CNTLN: variants seen among roughly 807,000 people sequenced by gnomAD.
The protein encoded by CNTLN is centlein, centrosomal protein.
CNTLN carries 212 observed loss-of-function variants against 180.0 expected under a neutral mutation model. The observed-to-expected ratio is 1.18, with a 90% CI of 1.05 to 1.32. The LOEUF (loss-of-function observed/expected upper bound fraction) is 1.32, where lower values mean the gene tolerates loss of function less well. Among genes scored for constraint, CNTLN ranks in the 40% most tolerant of loss-of-function variants. The pLI, the probability that CNTLN is intolerant of heterozygous loss-of-function variation, is 0.00. For missense variants in CNTLN, 2,095 were observed against 1,610.9 expected, an observed-to-expected ratio of 1.30 and a Z score of -5.14; for synonymous variants, 722 against 563.1, an observed-to-expected ratio of 1.28 and a Z score of -3.99.
At chr9:17,318,490 G>A (rs1402773688) in intron 8 of CNTLN, among the ~76,000 whole-genome samples, 1 of 152,264 alleles carries the variant, frequency 6.6e-6, no homozygotes, top group East Asian at 1.9e-4. Flanking sequence ...GTTAGAGCCT[G>A]TAAATAATTC....
chr9:17,491,232 A>T (rs1245613203), intron 25 of CNTLN, among the ~76,000 whole-genome samples: 1 of 152,090 alleles, frequency 6.6e-6, no homozygotes. Context: ...ATCATTAAAA[A>T]ATATATATAT....
chr9:17,481,176 A>C (rs12342676), intron 23 of CNTLN, among the ~76,000 whole-genome samples: 1 of 152,088 alleles, frequency 6.6e-6, no homozygotes, highest in Non-Finnish European at 1.5e-5. Context: ...CCACCTGGCT[A>C]TAGAGCTCAG....
At chr9:17,525,837 G>A in the CNTLN span, among the ~76,000 whole-genome samples, 40 of 152,174 alleles carry the variant, frequency 2.6e-4, no homozygotes, top group African/African-American at 9.4e-4. Context: ...ACAAAACACT[G>A]GTTATGAAAC....
At chr9:17,331,396 C>T (rs533561163) in intron 9 of CNTLN, among the ~76,000 whole-genome samples, 49 of 151,562 alleles carry the variant, frequency 3.2e-4, no homozygotes, top group African/African-American at 9.4e-4. Flanking sequence ...AGTTGTGTTA[C>T]GCTGTAAAAG....
intron 2 of CNTLN, among the ~76,000 whole-genome samples, chr9:17,164,857 A>G (rs892450290): frequency 3.0e-5 from 4 of 134,890 alleles, no homozygotes; most frequent in African/African-American, 5.6e-5. Flanking sequence ...TTTTTTTGAG[A>G]CAGAGTCTCA....
chr9:17,415,554 G>A (rs537367787), intron 16 of CNTLN, among the ~76,000 whole-genome samples: 1 of 151,992 alleles, frequency 6.6e-6, no homozygotes, highest in Non-Finnish European at 1.5e-5. Context: ...TTATCATCTA[G>A]AGTTTAAAAA....
At position 17,424,535 on chromosome 9, in the gene CNTLN, A is replaced by C. The variant is rs540818228; in HGVS notation, c.3114+8346A>C. On this transcript the variant is annotated intron_variant, in intron 18 of 25. Coordinates refer to ENST00000380647, the MANE Select transcript of CNTLN (RefSeq NM_017738.4). ...TCATATTATCAAAGAAAATGTGGCC[A>C]TTACCCATAGCACACTTTTTAGAAA... Among the ~76,000 whole-genome samples, 6 of 152,312 alleles carry C rather than the reference A, an allele frequency of 3.9e-5. No homozygotes were observed. In the South Asian group the frequency reaches 1.0e-3, roughly 26 times the overall value.
the CNTLN span, among the ~76,000 whole-genome samples, chr9:17,511,666 ACACACG>A: frequency 6.6e-6 from 1 of 151,386 alleles, no homozygotes; most frequent in African/African-American, 2.4e-5. Flanking sequence ...ACACACACAC[ACACACG>A]CACACGTGCA....
At chr9:17,353,009 C>T (rs1473343797) in intron 12 of CNTLN, among the ~76,000 whole-genome samples, 1 of 152,200 alleles carries the variant, frequency 6.6e-6, no homozygotes, top group Non-Finnish European at 1.5e-5. Flanking sequence ...CTGAATAGTG[C>T]TGCTATGAAC....
chr9:17,386,064 T>G (rs12345267), intron 13 of CNTLN, among the ~76,000 whole-genome samples: 1 of 151,934 alleles, frequency 6.6e-6, no homozygotes, highest in African/African-American at 2.4e-5. Context: ...CTCAAATTGA[T>G]ATAATCACAA....
At position 17,394,609 on chromosome 9, in the gene CNTLN, A is replaced by G; in HGVS notation, c.2155A>G (p.Met719Val). ...ATTAAAAGAAGGGAATAAAAAATTA[A>G]TGAAAGAAAATGATTTTCTGAAATC... ...RKLKEGNKKL[M>V]KENDFLKSLL... Residue 719 changes from methionine to valine, a missense_variant, in exon 15 of 26, where the codon ATG (methionine) becomes GTG (valine). By Grantham distance (21) the Met-to-Val change is conservative (BLOSUM62 1). Transcript: ENST00000380647. 6.3e-7 allele frequency: 1 copy of G among 1,596,480 alleles called. No homozygotes were observed. Among genetic ancestry groups the G allele is most frequent in the Non-Finnish European group, 8.5e-7 (1 of 1,175,572 alleles).
intron 2 of CNTLN, among the ~76,000 whole-genome samples, chr9:17,220,811 G>A (rs112570261): frequency 0.016 from 2,363 of 152,246 alleles, 61 homozygotes; most frequent in African/African-American, 0.053. Flanking sequence ...ATTCCACAGT[G>A]TATATGTACC....
At chr9:17,492,306 T>C (rs1056514504) in intron 25 of CNTLN, among the ~76,000 whole-genome samples, 3 of 152,036 alleles carry the variant, frequency 2.0e-5, no homozygotes, top group Admixed American at 2.0e-4. Flanking sequence ...GTTTTCTTCG[T>C]GTAGTTTTAC....
intron 24 of CNTLN, 125 bp downstream of exon 24, chr9:17,484,605 T>C (rs887089714): frequency 1.4e-6 from 1 of 739,140 alleles, no homozygotes; most frequent in African/African-American, 1.9e-5. Flanking sequence ...GGTAAGATGG[T>C]TAAAGTGCCA....
chr9:17,456,267 T>G (rs1289249399), intron 18 of CNTLN, among the ~76,000 whole-genome samples: 1 of 152,152 alleles, frequency 6.6e-6, no homozygotes, highest in Admixed American at 6.6e-5. Context: ...TTAGGCTCTT[T>G]TGGGGCAACT....
intron 5 of CNTLN, among the ~76,000 whole-genome samples, chr9:17,249,031 C>T (rs1171754909): frequency 6.6e-6 from 1 of 151,756 alleles, no homozygotes; most frequent in East Asian, 1.9e-4. Flanking sequence ...TGCTTTGATT[C>T]TCAATTGTTT....
Position 17,259,761 on chromosome 9 carries a change from G to A in CNTLN, c.850-13972G>A, listed in dbSNP as rs980712706. Among the ~76,000 whole-genome samples the A allele has an allele frequency of 2.7e-4, 40 of 149,322 alleles. 1 individual carries two copies. The highest frequency in any genetic ancestry group is 1.5e-3 in the Admixed American group (22 of 15,122). ...CTTCTAGATTTTCTAGTTTATTTGC[G>A]TAGAGGTGTTTGTAGTATTCTCTGA... On this transcript the variant is annotated intron_variant, in intron 5 of 25. Transcript: ENST00000380647.
At chr9:17,159,312 C>G (rs1208900241) in intron 2 of CNTLN, among the ~76,000 whole-genome samples, 1 of 152,152 alleles carries the variant, frequency 6.6e-6, no homozygotes, top group Admixed American at 6.5e-5. Flanking sequence ...TTACATACTG[C>G]TTTTCCTTTC....
intron 2 of CNTLN, among the ~76,000 whole-genome samples, chr9:17,203,371 A>T (rs1822685921): frequency 6.6e-6 from 1 of 151,820 alleles, no homozygotes; most frequent in Non-Finnish European, 1.5e-5. Context: ...CTGAATTTGA[A>T]TGTTGGCCTG....
Sources: gnomAD v4.1 joint callset for allele counts (sites outside exome capture counted in the v4.1 genomes callset) on GRCh38, gnomAD v4.1.1 for gene constraint, MANE v1.5 for transcripts, NCBI Gene and HGNC (gene_info 2026-07-23, HGNC 2026-07-21) for gene names.